Variants in NEURL1 observed in about 807,000 individuals in gnomAD.
NEURL1 encodes E3 ubiquitin-protein ligase NEURL1.
A neutral mutation model predicts 41.2 loss-of-function variants in NEURL1; 26 were observed. The observed-to-expected ratio is 0.63, with a 90% CI of 0.46 to 0.87. NEURL1 has a LOEUF of 0.87. Ranked by LOEUF, NEURL1 falls within the 40% of genes least tolerant of loss-of-function variation. The pLI, the probability that NEURL1 is intolerant of heterozygous loss-of-function variation, is 0.00. For synonymous variants in NEURL1, 400 were observed against 402.3 expected, an observed-to-expected ratio of 0.99 and a Z score of 0.07; for missense variants, 761 against 871.1, an observed-to-expected ratio of 0.87 and a Z score of 1.59.
At position 103,590,387 on chromosome 10, in the gene NEURL1, C is replaced by T. The variant is rs756467951; in HGVS notation, c.*15C>T. ...GCAGCTCCTAGCCCGTTGCGGTGGCCCATCCCGCATACCCATCTTCTCGGG... is the reference window on the plus strand; with the variant it reads ...GCAGCTCCTAGCCCGTTGCGGTGGCTCATCCCGCATACCCATCTTCTCGGG... On this transcript the variant is annotated 3_prime_UTR_variant, in exon 6 of 6. Coordinates refer to ENST00000369780, the MANE Select transcript of NEURL1 (RefSeq NM_004210.5). 1 of 1,595,694 alleles carries T rather than the reference C, an allele frequency of 6.3e-7. No homozygotes were observed. Among genetic ancestry groups the T allele is most frequent in the Non-Finnish European group, 8.6e-7 (1 of 1,163,820 alleles).
At chr10:103,584,488 C>A in intron 3 of NEURL1, 48 bp from the exon 4 acceptor site, 1 of 1,234,044 alleles carries the variant, frequency 8.1e-7, no homozygotes. Flanking sequence ...CGCGCCGGGG[C>A]CGCCTCCCGA....
chr10:103,522,602 C>CAAA (rs528719693), intron 1 of NEURL1, among the ~76,000 whole-genome samples: 2 of 106,694 alleles, frequency 1.9e-5, no homozygotes, highest in East Asian at 2.7e-4. Context: ...AACTCCATTT[C>CAAA]AAAAAAAAAA....
chr10:103,564,371 C>T (rs1200941936), intron 1 of NEURL1, among the ~76,000 whole-genome samples: 1 of 152,160 alleles, frequency 6.6e-6, no homozygotes, highest in Non-Finnish European at 1.5e-5. Flanking sequence ...CTGAGAGCCA[C>T]GTGGCACAAC....
rs1188095531 is a variant in NEURL1, at chr10:103,587,071, A to C, written c.1339+1846A>C. 2.0e-5 allele frequency among the ~76,000 whole-genome samples: 3 copies of C among 152,118 alleles called. No individual in the cohort carries two copies. In the East Asian group the frequency reaches 5.8e-4, roughly 29 times the overall value. On this transcript the variant is annotated intron_variant, in intron 4 of 5. Coordinates refer to ENST00000369780, the MANE Select transcript of NEURL1 (RefSeq NM_004210.5). ...CTCAAGAAAAGAAAGAGAGAGAGAG[A>C]AAGAAAGAGAAAGAGAAAAATCAAG...
intron 1 of NEURL1, among the ~76,000 whole-genome samples, chr10:103,542,438 T>C (rs2034839625): frequency 6.6e-6 from 1 of 152,154 alleles, no homozygotes; most frequent in African/African-American, 2.4e-5. Context: ...TTTTATTTAT[T>C]TTTTTGTAGG....
intron 1 of NEURL1, among the ~76,000 whole-genome samples, chr10:103,536,297 G>A (rs1195220888): frequency 1.3e-5 from 2 of 152,094 alleles, no homozygotes; most frequent in African/African-American, 4.8e-5. Flanking sequence ...TAATCCCAGC[G>A]CTTTGGGAGG....
chr10:103,562,342 C>A (rs533684636), intron 1 of NEURL1, among the ~76,000 whole-genome samples: 1 of 152,162 alleles, frequency 6.6e-6, no homozygotes, highest in Non-Finnish European at 1.5e-5. Flanking sequence ...AAGATCACGC[C>A]ACGACTCTCC....
chr10:103,583,699 CT>C (rs1198656430), intron 3 of NEURL1, among the ~76,000 whole-genome samples: 13 of 71,796 alleles, frequency 1.8e-4, no homozygotes, highest in African/African-American at 3.9e-4. Flanking sequence ...GAGCAAGATC[CT>C]GTCTCAAAAA....
At chr10:103,568,457 C>T (rs980046925) in intron 1 of NEURL1, among the ~76,000 whole-genome samples, 1 of 152,194 alleles carries the variant, frequency 6.6e-6, no homozygotes, top group Admixed American at 6.5e-5. Context: ...GCAGTTGCTC[C>T]GTGGATTCTG....
At chr10:103,520,221 G>A (rs1208569268) in intron 1 of NEURL1, among the ~76,000 whole-genome samples, 2 of 152,180 alleles carry the variant, frequency 1.3e-5, no homozygotes, top group Non-Finnish European at 2.9e-5. Flanking sequence ...ACGTACGTCC[G>A]TGTGAAGAGA....
chr10:103,589,758 T>G, intron 5 of NEURL1, 98 bp downstream of exon 5: 3 of 1,474,296 alleles, frequency 2.0e-6, no homozygotes, highest in Non-Finnish European at 2.7e-6. Context: ...GGAGCTGGAG[T>G]TGGGCTCAGT....
chr10:103,541,801 A>G (rs1048887576), intron 1 of NEURL1, among the ~76,000 whole-genome samples: 11 of 152,226 alleles, frequency 7.2e-5, no homozygotes, highest in Admixed American at 1.3e-4. Context: ...GAGCTGTACT[A>G]TGCAGAAAAC....
At chr10:103,514,394 G>A (rs1000826785) in intron 1 of NEURL1, among the ~76,000 whole-genome samples, 1 of 152,116 alleles carries the variant, frequency 6.6e-6, no homozygotes, top group African/African-American at 2.4e-5. Flanking sequence ...CCCCGGGCTG[G>A]TTACTATCCC....
intron 1 of NEURL1, among the ~76,000 whole-genome samples, chr10:103,516,097 G>A (rs1374737883): frequency 2.0e-5 from 3 of 151,404 alleles, no homozygotes; most frequent in Non-Finnish European, 4.4e-5. Context: ...GTGTGGTGGT[G>A]TGCGCCTGTA....
chr10:103,563,860 C>A lies in NEURL1; in HGVS notation c.86-7012C>A, dbSNP rs373175668. On this transcript the variant is annotated intron_variant, in intron 1 of 5. Coordinates refer to ENST00000369780, the MANE Select transcript of NEURL1 (RefSeq NM_004210.5). ...CAGCCCTGGGTTCAGATCTGGGCTC[C>A]TCACTCAATGTGTAAACCTAACTTC... 3.9e-5 allele frequency among the ~76,000 whole-genome samples: 6 copies of A among 152,228 alleles called. 1 individual carries two copies. The East Asian group carries it at 9.6e-4, about 24-fold the overall frequency.
At chr10:103,505,047 T>TA (rs1362092779) in intron 1 of NEURL1, among the ~76,000 whole-genome samples, 1 of 73,008 alleles carries the variant, frequency 1.4e-5, no homozygotes, top group Non-Finnish European at 3.3e-5. Context: ...CTCTCCTGTA[T>TA]CTTTTTTTTT....
At chr10:103,562,180 C>T (rs575614907) in intron 1 of NEURL1, among the ~76,000 whole-genome samples, 4 of 152,228 alleles carry the variant, frequency 2.6e-5, no homozygotes, top group Admixed American at 1.3e-4. Context: ...GTCAGGAGTT[C>T]GAGACCAGCC....
chr10:103,494,586 GAT>G, intron 1 of NEURL1, 114 bp downstream of exon 1: 1 of 935,856 alleles, frequency 1.1e-6, no homozygotes, highest in Non-Finnish European at 1.6e-6. Context: ...GGAGGCCGGA[GAT>G]GCACCTCTGG....
chr10:103,584,180 G>A (rs1445256187), intron 3 of NEURL1, among the ~76,000 whole-genome samples: 2 of 152,166 alleles, frequency 1.3e-5, no homozygotes, highest in East Asian at 3.8e-4. Context: ...CTAGCTGCTA[G>A]GGATAAGACG....
Sources: gnomAD v4.1 joint callset for allele counts (sites outside exome capture counted in the v4.1 genomes callset) on GRCh38, gnomAD v4.1.1 for gene constraint, MANE v1.5 for transcripts, NCBI Gene and HGNC (gene_info 2026-07-23, HGNC 2026-07-21) for gene names.